The following PRKN variants were observed in gnomAD, a reference collection of about 807,000 sequenced individuals.
PRKN encodes parkin RBR E3 ubiquitin protein ligase.
PRKN carries 56 observed loss-of-function variants against 59.5 expected under a neutral mutation model. That is an observed-to-expected ratio of 0.94 (90% CI 0.76 to 1.18). The LOEUF (loss-of-function observed/expected upper bound fraction) is 1.18, where lower values mean the gene tolerates loss of function less well. Ranked by LOEUF, PRKN falls within the 50% of genes most tolerant of loss-of-function variation. The pLI, the probability that PRKN is intolerant of heterozygous loss-of-function variation, is 0.00. For missense variants in PRKN, 657 were observed against 596.4 expected (o/e 1.10, Z -1.06); for synonymous variants, 250 against 222.1 (o/e 1.13, Z -1.12).
chr6:162,370,796 T>C (rs760970354), intron 2 of PRKN, among the ~76,000 whole-genome samples: 4 of 152,218 alleles, frequency 2.6e-5, no homozygotes, highest in Middle Eastern at 3.2e-3. Context: ...GGTAGTATTA[T>C]GTGGGATATT....
rs1359837362 is a variant in PRKN, at chr6:161,407,642, T to A, written c.1084-20765A>T. On this transcript the variant is annotated intron_variant, in intron 9 of 11. Coordinates refer to ENST00000366898, the MANE Select transcript of PRKN (RefSeq NM_004562.3). The surrounding 1 kb of genome is among the most constrained non-coding windows in gnomAD (Gnocchi z 4.9). ...CCTCTGAGTCGAAGCTCAGCCATTA[T>A]AACCCCTGTGACCTGCACATATACG... Among the ~76,000 whole-genome samples, 1 of 152,168 alleles carries A rather than the reference T, an allele frequency of 6.6e-6. No individual in the cohort carries two copies. The highest frequency in any genetic ancestry group is 2.4e-5 in the African/African-American group (1 of 41,428).
At chr6:162,186,156 G>A (rs999559899) in intron 4 of PRKN, among the ~76,000 whole-genome samples, 2 of 152,076 alleles carry the variant, frequency 1.3e-5, no homozygotes, top group Non-Finnish European at 2.9e-5. Context: ...TTTTTGAGCT[G>A]TAAAAGGCTC....
intron 3 of PRKN, among the ~76,000 whole-genome samples, chr6:162,217,803 T>C (rs565452470): frequency 6.6e-6 from 1 of 152,186 alleles, no homozygotes; most frequent in Non-Finnish European, 1.5e-5. Context: ...TATCATGGTA[T>C]TGTTAAGGCT....
chr6:161,862,049 C>T (rs1793924667), intron 6 of PRKN, among the ~76,000 whole-genome samples: 1 of 152,160 alleles, frequency 6.6e-6, no homozygotes, highest in African/African-American at 2.4e-5. Flanking sequence ...GCAATCTTTG[C>T]CTCTGTCTTC....
intron 2 of PRKN, among the ~76,000 whole-genome samples, chr6:162,279,545 G>C (rs1583307374): frequency 6.6e-6 from 1 of 152,072 alleles, no homozygotes; most frequent in Non-Finnish European, 1.5e-5. Context: ...TGTGGTCTGA[G>C]AGACTGTTTG....
chr6:162,409,495 A>G (rs1037982155), intron 2 of PRKN, among the ~76,000 whole-genome samples: 1 of 152,038 alleles, frequency 6.6e-6, no homozygotes, highest in African/African-American at 2.4e-5. Context: ...CCCTCACCCC[A>G]TGCACTTTTG....
At chr6:162,244,996 T>C (rs909298636) in intron 3 of PRKN, among the ~76,000 whole-genome samples, 7 of 152,098 alleles carry the variant, frequency 4.6e-5, no homozygotes, top group Admixed American at 4.6e-4. Context: ...CTTATTATTC[T>C]CTTGAGCGTA....
chr6:161,795,791 A>G (rs1790822420), intron 6 of PRKN, among the ~76,000 whole-genome samples: 1 of 152,130 alleles, frequency 6.6e-6, no homozygotes, highest in Admixed American at 6.5e-5. Flanking sequence ...AATACAAACT[A>G]AGGCCGAAAA....
intron 7 of PRKN, among the ~76,000 whole-genome samples, chr6:161,690,866 T>C (rs1785756508): frequency 6.6e-6 from 1 of 152,200 alleles, no homozygotes; most frequent in Admixed American, 6.5e-5. Context: ...AGATGGCAGA[T>C]TGTGGGACTT....
At chr6:161,718,475 T>C (rs1481562169) in intron 7 of PRKN, among the ~76,000 whole-genome samples, 1 of 152,152 alleles carries the variant, frequency 6.6e-6, no homozygotes, top group Middle Eastern at 3.2e-3. Flanking sequence ...GAGGCATGAA[T>C]GATGGTGCCT....
At chr6:162,147,344 GAAA>G (rs767653516) in intron 4 of PRKN, among the ~76,000 whole-genome samples, 1 of 42,068 alleles carries the variant, frequency 2.4e-5, no homozygotes, top group Non-Finnish European at 5.1e-5. Context: ...CTCTGTCTCA[GAAA>G]AAAAAAAAAA....
intron 10 of PRKN, among the ~76,000 whole-genome samples, chr6:161,364,610 G>A (rs114022820): frequency 5.3e-5 from 8 of 151,398 alleles, no homozygotes; most frequent in African/African-American, 1.9e-4. Context: ...AATACTGATT[G>A]TCTAAAACTG....
In PRKN at chr6:161,468,089, C is replaced by T. The variant is rs1790570978; in HGVS notation, c.1083+80765G>A. ...CCGGGTTCAAGCAATTTTCCTGCCT[C>T]AGCCTCCTGAGTAGCTGGGATTATA... On this transcript the variant is annotated intron_variant, in intron 9 of 11. Transcript: ENST00000366898. This position sits in a 1 kb window ranked among gnomAD's most constrained non-coding sequence, Gnocchi z 5.9. Among the ~76,000 whole-genome samples the T allele has an allele frequency of 6.6e-6, 1 of 152,146 alleles. No homozygotes were observed. The highest frequency in any genetic ancestry group is 2.4e-5 in the African/African-American group (1 of 41,430).
intron 7 of PRKN, among the ~76,000 whole-genome samples, chr6:161,669,830 G>A (rs879589646): frequency 6.6e-5 from 10 of 152,178 alleles, no homozygotes; most frequent in Non-Finnish European, 1.2e-4. Flanking sequence ...CATTAGTCCC[G>A]TTTCACCATC....
rs867288000 is a variant in PRKN at position 162,102,826 on chromosome 6, G to A, written c.535-48652C>T. Among the ~76,000 whole-genome samples, 21 of 145,142 alleles carry A rather than the reference G, an allele frequency of 1.4e-4. No individual in the cohort carries two copies. The East Asian group carries it at 2.5e-3, about 17-fold the overall frequency. On this transcript the variant is annotated intron_variant, in intron 4 of 11. Coordinates refer to ENST00000366898, the MANE Select transcript of PRKN (RefSeq NM_004562.3). ...TGGGAGGCCGAGGCAGGCGGATCAC[G>A]AGGTCAGGAGATCGAGACCATCCTG...
At chr6:162,697,055 T>C (rs1777997379) in intron 1 of PRKN, among the ~76,000 whole-genome samples, 1 of 152,194 alleles carries the variant, frequency 6.6e-6, no homozygotes, top group South Asian at 2.1e-4. Context: ...CTTTACAGTT[T>C]ATTCAATTCA....
intron 3 of PRKN, among the ~76,000 whole-genome samples, chr6:162,205,150 C>T (rs1361704480): frequency 3.3e-5 from 5 of 152,104 alleles, no homozygotes; most frequent in African/African-American, 1.2e-4. Flanking sequence ...CATGAGCCAC[C>T]ACGCCCGGCC....
rs1420032922 is a variant in PRKN at position 161,460,990 on chromosome 6, C to A, written c.1084-74113G>T. On this transcript the variant is annotated intron_variant, in intron 9 of 11. Coordinates refer to ENST00000366898, the MANE Select transcript of PRKN (RefSeq NM_004562.3). This position sits in a 1 kb window ranked among gnomAD's most constrained non-coding sequence, Gnocchi z 5.0. Reference sequence around the variant, plus strand: ...GCCAGGATGGTCTTGATCACCTGACCTCATGATCTGCCTGCCTTGGCTTCC... The same window carrying A: ...GCCAGGATGGTCTTGATCACCTGACATCATGATCTGCCTGCCTTGGCTTCC... 2.0e-5 allele frequency among the ~76,000 whole-genome samples: 3 copies of A among 151,882 alleles called. No individual in the cohort carries two copies. Among genetic ancestry groups the A allele is most frequent in the African/African-American group, 7.3e-5 (3 of 41,332 alleles).
At chr6:161,877,495 T>C (rs1276750311) in intron 6 of PRKN, among the ~76,000 whole-genome samples, 1 of 150,466 alleles carries the variant, frequency 6.6e-6, no homozygotes, top group East Asian at 2.0e-4. Context: ...AGCCTCGTTG[T>C]GTCACCCAGG....
Sources: gnomAD v4.1 joint callset for allele counts (sites outside exome capture counted in the v4.1 genomes callset) on GRCh38, gnomAD v4.1.1 for gene constraint, Gnocchi (gnomAD v3.1) non-coding constraint, MANE v1.5 for transcripts, NCBI Gene and HGNC (gene_info 2026-07-23, HGNC 2026-07-21) for gene names.